ADAMTSL1: variants seen among roughly 807,000 people sequenced by gnomAD.
The protein encoded by ADAMTSL1 is ADAMTS like 1, also known as ADAMTS-like protein 1.
A neutral mutation model predicts 201.8 loss-of-function variants in ADAMTSL1; 126 were observed. The observed-to-expected ratio is 0.62, with a 90% CI of 0.54 to 0.72. The LOEUF (loss-of-function observed/expected upper bound fraction) is 0.72, where lower values mean the gene tolerates loss of function less well. Ranked by LOEUF, ADAMTSL1 falls within the 30% of genes least tolerant of loss-of-function variation. The pLI, the probability that ADAMTSL1 is intolerant of heterozygous loss-of-function variation, is 0.00. For missense variants in ADAMTSL1, 2,679 were observed against 2,277.8 expected (o/e 1.18, Z -3.59); for synonymous variants, 1,121 against 903.4 (o/e 1.24, Z -4.32).
intron 1 of ADAMTSL1, among the ~76,000 whole-genome samples, chr9:18,012,077 C>A (rs1365414112): frequency 6.6e-6 from 1 of 152,018 alleles, no homozygotes; most frequent in Admixed American, 6.6e-5. Flanking sequence ...CAGGTTTGCC[C>A]TGGCAAAGGT....
chr9:18,412,362 C>A (rs973028568), intron 2 of ADAMTSL1, among the ~76,000 whole-genome samples: 1 of 152,154 alleles, frequency 6.6e-6, no homozygotes, highest in African/African-American at 2.4e-5. Flanking sequence ...TTGTCATTTA[C>A]CTAATGGTTT....
chr9:18,468,249 G>A (rs951229331), intron 2 of ADAMTSL1, among the ~76,000 whole-genome samples: 8 of 152,104 alleles, frequency 5.3e-5, no homozygotes, highest in South Asian at 2.1e-4. Context: ...ATCAAGGACC[G>A]CAGGTTTGAG....
intron 4 of ADAMTSL1, among the ~76,000 whole-genome samples, chr9:18,586,188 C>T (rs1823478559): frequency 6.6e-6 from 1 of 152,132 alleles, no homozygotes; most frequent in African/African-American, 2.4e-5. Flanking sequence ...GTCTAGAAAA[C>T]CACATGGGCT....
intron 1 of ADAMTSL1, among the ~76,000 whole-genome samples, chr9:18,037,575 G>C (rs367581482): frequency 6.6e-6 from 1 of 152,266 alleles, no homozygotes; most frequent in East Asian, 1.9e-4. Context: ...TATGAAATGT[G>C]TATATATAGG....
Position 18,705,312 on chromosome 9 carries a change from A to G in ADAMTSL1, c.1575-1435A>G, listed in dbSNP as rs185354279. Among the ~76,000 whole-genome samples, 8 of 152,348 alleles carry G rather than the reference A, an allele frequency of 5.3e-5. No homozygotes were observed. In the East Asian group the frequency reaches 1.5e-3, roughly 29 times the overall value. The stretch of plus-strand genomic sequence containing the variant: ...TAGGATCATGGAAAAATGAAAAATA[A>G]AAAATAAAAAAATTATCCCAAAGTT... On this transcript the variant is annotated intron_variant, in intron 13 of 28. Transcript: ENST00000380548.
intron 1 of ADAMTSL1, among the ~76,000 whole-genome samples, chr9:18,097,978 G>A (rs1456814464): frequency 6.6e-6 from 1 of 151,612 alleles, no homozygotes; most frequent in Non-Finnish European, 1.5e-5. Flanking sequence ...GTTTAGGTTA[G>A]TGATCCATTT....
chr9:18,410,999 G>T (rs1317502423), intron 2 of ADAMTSL1, among the ~76,000 whole-genome samples: 2 of 150,312 alleles, frequency 1.3e-5, no homozygotes, highest in Admixed American at 6.6e-5. Context: ...ACACCACCAC[G>T]CCTGGCTAGT....
At chr9:18,608,496 A>G (rs1283884896) in intron 4 of ADAMTSL1, among the ~76,000 whole-genome samples, 1 of 152,072 alleles carries the variant, frequency 6.6e-6, no homozygotes, top group Non-Finnish European at 1.5e-5. Flanking sequence ...GGGAAAATGT[A>G]TGCAGTCCTT....
chr9:18,790,493 A>T (rs533752850), intron 19 of ADAMTSL1, among the ~76,000 whole-genome samples: 13 of 152,300 alleles, frequency 8.5e-5, no homozygotes, highest in African/African-American at 2.6e-4. Flanking sequence ...ATACACCCGG[A>T]GCTGCCTTTG....
At chr9:18,453,383 C>T (rs1820486729) in intron 2 of ADAMTSL1, among the ~76,000 whole-genome samples, 1 of 152,100 alleles carries the variant, frequency 6.6e-6, no homozygotes, top group Non-Finnish European at 1.5e-5. Flanking sequence ...CCTTCAGTAT[C>T]ATTCTCTTAT....
At chr9:18,596,184 G>A (rs1032486964) in intron 4 of ADAMTSL1, among the ~76,000 whole-genome samples, 5 of 152,198 alleles carry the variant, frequency 3.3e-5, no homozygotes, top group South Asian at 2.1e-4. Flanking sequence ...AAGTTCTGCC[G>A]TGTGGGTCTG....
At chr9:18,291,085 A>G (rs1005882999) in intron 2 of ADAMTSL1, among the ~76,000 whole-genome samples, 2 of 152,142 alleles carry the variant, frequency 1.3e-5, no homozygotes, top group Non-Finnish European at 2.9e-5. Flanking sequence ...CCGGGCCACT[A>G]AAGCTGACTT....
At chr9:18,823,157 G>A (rs568386519) in intron 21 of ADAMTSL1, among the ~76,000 whole-genome samples, 3 of 152,170 alleles carry the variant, frequency 2.0e-5, no homozygotes, top group East Asian at 1.9e-4. Context: ...TACCTACATC[G>A]GCAAACTCAT....
chr9:18,388,875 G>A (rs921858101), intron 2 of ADAMTSL1, among the ~76,000 whole-genome samples: 5 of 151,808 alleles, frequency 3.3e-5, no homozygotes, highest in African/African-American at 1.2e-4. Flanking sequence ...TCCTGCCTTA[G>A]CCTCCTGAGT....
intron 7 of ADAMTSL1, among the ~76,000 whole-genome samples, chr9:18,640,699 A>T (rs1827383980): frequency 6.6e-6 from 1 of 151,986 alleles, no homozygotes; most frequent in Non-Finnish European, 1.5e-5. Flanking sequence ...TGCCCAGGCA[A>T]ATCAGAAACC....
intron 2 of ADAMTSL1, among the ~76,000 whole-genome samples, chr9:18,227,452 A>G (rs1178157153): frequency 2.6e-5 from 4 of 152,214 alleles, no homozygotes; most frequent in Non-Finnish European, 2.9e-5. Flanking sequence ...TATAGATTAT[A>G]AACTCACGGC....
intron 2 of ADAMTSL1, among the ~76,000 whole-genome samples, chr9:18,182,806 C>A (rs1009745729): frequency 6.6e-6 from 1 of 152,086 alleles, no homozygotes; most frequent in Non-Finnish European, 1.5e-5. Flanking sequence ...TAGTAGAATG[C>A]GGGTTACAGT....
At chr9:18,233,782 C>A (rs781337498) in intron 2 of ADAMTSL1, among the ~76,000 whole-genome samples, 22 of 152,296 alleles carry the variant, frequency 1.4e-4, no homozygotes, top group African/African-American at 5.1e-4. Flanking sequence ...AGCACTTACA[C>A]GCTTTCTTCT....
In ADAMTSL1 at chr9:18,639,352, T is replaced by C. The variant is rs1827300926; in HGVS notation, c.775T>C (p.Phe259Leu). ...CAATTCTAGTGTGGACTTCCAGAAA[T>C]TTCCAGACAAAGAGATACTGAGAAT... ...VDNSSVDFQKFPDKEILRMAG... is the reference protein window; with the variant it reads ...VDNSSVDFQKLPDKEILRMAG... Residue 259 changes from phenylalanine (F) to leucine (L), a missense_variant, in exon 7 of 29, where the codon TTT becomes CTT. By Grantham distance (22) the Phe-to-Leu change is conservative. Coordinates refer to ENST00000380548, the MANE Select transcript of ADAMTSL1 (RefSeq NM_001040272.6). The C allele has an allele frequency of 1.2e-6, 2 of 1,612,908 alleles. No individual in the cohort carries two copies. Among genetic ancestry groups the C allele is most frequent in the African/African-American group, 1.3e-5 (1 of 74,846 alleles).
Sources: allele counts gnomAD v4.1 joint callset (sites outside exome capture counted in the v4.1 genomes callset), GRCh38; gene constraint gnomAD v4.1.1; transcripts MANE v1.5; gene names NCBI Gene and HGNC (gene_info 2026-07-23, HGNC 2026-07-21).